Variants in CYSLTR2 observed in about 807,000 individuals in gnomAD.
CYSLTR2 encodes the protein cysteinyl leukotriene receptor 2, also known as G-protein coupled receptor GPCR21.
For missense variants in CYSLTR2, 398 were observed against 411.9 expected, an observed-to-expected ratio of 0.97 and a Z score of 0.29; for synonymous variants, 179 against 160.8, an observed-to-expected ratio of 1.11 and a Z score of -0.86.
At chr13:48,657,952 G>T (rs1435166453) in intron 1 of CYSLTR2, among the ~76,000 whole-genome samples, 2 of 152,042 alleles carry the variant, frequency 1.3e-5, no homozygotes, top group Non-Finnish European at 2.9e-5. Flanking sequence ...TTGTATCCCA[G>T]ATTCTTTTAA....
At chr13:48,687,392 T>C (rs550047164) in intron 1 of CYSLTR2, among the ~76,000 whole-genome samples, 1 of 142,946 alleles carries the variant, frequency 7.0e-6, no homozygotes, top group South Asian at 2.1e-4. Flanking sequence ...GATTGATAGA[T>C]GATAATTGGT....
intron 1 of CYSLTR2, among the ~76,000 whole-genome samples, chr13:48,654,280 T>TGTGTGTGTGTGA (rs1566076248): frequency 8.7e-6 from 1 of 114,330 alleles, no homozygotes; most frequent in East Asian, 2.5e-4. Context: ...TGTGTGTGTG[T>TGTGTGTGTGTGA]GTGTGTGTGT....
chr13:48,674,592 T>C (rs925009926), intron 1 of CYSLTR2, among the ~76,000 whole-genome samples: 2 of 152,218 alleles, frequency 1.3e-5, no homozygotes, highest in Non-Finnish European at 2.9e-5. Context: ...GAGGAGTTTG[T>C]TGTTACCCAC....
chr13:48,667,415 G>T (rs889032016), intron 1 of CYSLTR2, among the ~76,000 whole-genome samples: 1 of 152,200 alleles, frequency 6.6e-6, no homozygotes. Context: ...GGAGTGGCTT[G>T]CAGGGATATT....
At chr13:48,679,027 A>C (rs1953676722) in intron 1 of CYSLTR2, among the ~76,000 whole-genome samples, 1 of 152,134 alleles carries the variant, frequency 6.6e-6, no homozygotes, top group African/African-American at 2.4e-5. Flanking sequence ...CTCAGGATGA[A>C]ATCCCAATTC....
intron 1 of CYSLTR2, among the ~76,000 whole-genome samples, chr13:48,680,795 C>CTTTTTTTTTTTTTTTT (rs1268529678): frequency 4.5e-5 from 5 of 110,616 alleles, no homozygotes; most frequent in African/African-American, 1.7e-4. Flanking sequence ...CTTTTCTTTT[C>CTTTTTTTTTTTTTTTT]TTTTCTTTTT....
At chr13:48,697,962 T>C (rs1254754929) in intron 4 of CYSLTR2, among the ~76,000 whole-genome samples, 2 of 151,736 alleles carry the variant, frequency 1.3e-5, no homozygotes, top group Non-Finnish European at 2.9e-5. Flanking sequence ...AAGAGAAGCA[T>C]AGAGAGAAAA....
At chr13:48,675,476 T>C (rs1404123238) in intron 1 of CYSLTR2, among the ~76,000 whole-genome samples, 1 of 152,056 alleles carries the variant, frequency 6.6e-6, no homozygotes, top group Non-Finnish European at 1.5e-5. Context: ...TCAGTAATGG[T>C]GGACACCCCT....
chr13:48,690,227 A>G (rs1217906850), intron 1 of CYSLTR2, among the ~76,000 whole-genome samples: 3 of 152,064 alleles, frequency 2.0e-5, no homozygotes, highest in Non-Finnish European at 2.9e-5. Context: ...CTCTCTTCCT[A>G]TTTGGATACC....
At chr13:48,695,834 T>C (rs1954171252) in intron 3 of CYSLTR2, among the ~76,000 whole-genome samples, 3 of 152,380 alleles carry the variant, frequency 2.0e-5, no homozygotes, top group African/African-American at 7.2e-5. Flanking sequence ...TTATTTCCAG[T>C]TTGGGGCTAT....
At chr13:48,668,364 G>A (rs1416161026) in intron 1 of CYSLTR2, among the ~76,000 whole-genome samples, 1 of 152,090 alleles carries the variant, frequency 6.6e-6, no homozygotes, top group South Asian at 2.1e-4. Context: ...GAAGAGGGGG[G>A]AATAGGAAGA....
At chr13:48,682,119 G>A (rs1242944417) in intron 1 of CYSLTR2, among the ~76,000 whole-genome samples, 1 of 152,078 alleles carries the variant, frequency 6.6e-6, no homozygotes, top group Non-Finnish European at 1.5e-5. Flanking sequence ...TAGGCTCTGT[G>A]TGTTAACGCT....
At chr13:48,680,546 C>A (rs1953719336) in intron 1 of CYSLTR2, among the ~76,000 whole-genome samples, 1 of 152,148 alleles carries the variant, frequency 6.6e-6, no homozygotes, top group South Asian at 2.1e-4. Flanking sequence ...TAATTACCAG[C>A]AAAGCTGCAG....
At chr13:48,681,104 G>A (rs1182673784) in intron 1 of CYSLTR2, among the ~76,000 whole-genome samples, 1 of 151,978 alleles carries the variant, frequency 6.6e-6, no homozygotes, top group Non-Finnish European at 1.5e-5. Flanking sequence ...AACTGTGGCT[G>A]CTTGACAACC....
chr13:48,677,663 A>C (rs1299002372), intron 1 of CYSLTR2, among the ~76,000 whole-genome samples: 1 of 152,136 alleles, frequency 6.6e-6, no homozygotes, highest in African/African-American at 2.4e-5. Context: ...CCCAGAGAGA[A>C]GTACACATCC....
intron 1 of CYSLTR2, among the ~76,000 whole-genome samples, chr13:48,660,482 G>A (rs980942866): frequency 1.3e-5 from 2 of 152,170 alleles, no homozygotes; most frequent in African/African-American, 4.8e-5. Context: ...GGGTGACCGG[G>A]TAGAGGAAAA....
At chr13:48,678,412 T>C (rs1428778112) in intron 1 of CYSLTR2, among the ~76,000 whole-genome samples, 1 of 152,166 alleles carries the variant, frequency 6.6e-6, no homozygotes, top group Admixed American at 6.5e-5. Context: ...CCTTGTATCA[T>C]TTGGCCAGTC....
chr13:48,705,708 C>T (rs141478380), intron 4 of CYSLTR2, among the ~76,000 whole-genome samples: 1 of 150,186 alleles, frequency 6.7e-6, no homozygotes, highest in African/African-American at 2.4e-5. Flanking sequence ...CTTCTTATTT[C>T]CTCTTATGTC....
chr13:48,683,743 C>T (rs972036614), intron 1 of CYSLTR2, among the ~76,000 whole-genome samples: 1 of 152,198 alleles, frequency 6.6e-6, no homozygotes, highest in Non-Finnish European at 1.5e-5. Flanking sequence ...TTAATTACAT[C>T]CTATTTATCA....
Sources: gnomAD v4.1 joint callset for allele counts (sites outside exome capture counted in the v4.1 genomes callset) on GRCh38, gnomAD v4.1.1 for gene constraint, MANE v1.5 for transcripts, NCBI Gene and HGNC (gene_info 2026-07-23, HGNC 2026-07-21) for gene names.